The following DYNC2H1 variants were observed in gnomAD, a reference collection of about 807,000 sequenced individuals.
DYNC2H1 encodes the protein cytoplasmic dynein 2 heavy chain 1.
Under a neutral mutation model 570.0 loss-of-function variants are expected in DYNC2H1, and 410 were observed. The ratio of observed to expected loss-of-function variants is 0.72; its 90% CI spans 0.66 to 0.78. The LOEUF is 0.78. Ranked by LOEUF, DYNC2H1 falls within the 30% of genes least tolerant of loss-of-function variation. The pLI, the probability that DYNC2H1 is intolerant of heterozygous loss-of-function variation, is 0.00. For missense variants in DYNC2H1, 4,865 were observed against 5,046.4 expected (o/e 0.96, Z 1.09); for synonymous variants, 1,688 against 1,677.6 (o/e 1.01, Z -0.15).
rs768259332 is a variant in DYNC2H1 at position 103,222,985 on chromosome 11, T to A, written c.9252T>A (p.Thr3084=). Residue 3084 remains threonine, a synonymous_variant, in exon 59 of 89, where the codon ACT becomes ACA. Transcript: ENST00000375735. ...FDPKNAKRAS[T]AAAPLAAWVK... ...TTCAGAATGCTAAGCGTGCCAGTAC[T>A]GCAGCTGCACCTTTGGCTGCCTGGG... 18 of 1,613,430 alleles carry A rather than the reference T, an allele frequency of 1.1e-5. No individual in the cohort carries two copies. Among genetic ancestry groups the A allele is most frequent in the Non-Finnish European group, 1.4e-5 (17 of 1,179,534 alleles).
intron 54 of DYNC2H1, among the ~76,000 whole-genome samples, chr11:103,214,446 C>CTTTTTT (rs200386358): frequency 1.3e-4 from 16 of 127,436 alleles, no homozygotes; most frequent in African/African-American, 1.7e-4. Flanking sequence ...ACTTCTTCTT[C>CTTTTTT]TTTTTTTTTT....
Position 103,227,594 on chromosome 11 carries a change from G to A in DYNC2H1, c.9354-3666G>A, listed in dbSNP as rs563990551. ...TTAAATGTACTGAGACTTGTTTTGT[G>A]GCCTGTCATATGGTCTATTTTGGAG... On this transcript the variant is annotated intron_variant, in intron 59 of 88. Coordinates refer to ENST00000375735, the MANE Select transcript of DYNC2H1 (RefSeq NM_001377.3). Among the ~76,000 whole-genome samples, 40 of 152,084 alleles carry A rather than the reference G, an allele frequency of 2.6e-4. 1 individual carries two copies. The highest frequency in any genetic ancestry group is 4.7e-4 in the Non-Finnish European group (32 of 67,998).
chr11:103,358,104 T>G (rs954980789), intron 82 of DYNC2H1, 139 bp from the exon 83 acceptor site: 4 of 517,872 alleles, frequency 7.7e-6, no homozygotes, highest in East Asian at 3.0e-5. Flanking sequence ...TGAAGAGAGA[T>G]AATAAGATTA....
intron 22 of DYNC2H1, among the ~76,000 whole-genome samples, chr11:103,153,928 A>G (rs1418303014): frequency 6.6e-6 from 1 of 151,970 alleles, no homozygotes; most frequent in Non-Finnish European, 1.5e-5. Flanking sequence ...ATAAAGTATT[A>G]AATTTGAGCA....
rs1002213720 is a variant in DYNC2H1, at chr11:103,209,027, A to G, written c.8455-849A>G. 9.2e-5 allele frequency among the ~76,000 whole-genome samples: 14 copies of G among 152,162 alleles called. No individual in the cohort carries two copies. The highest frequency in any genetic ancestry group is 1.9e-4 in the Non-Finnish European group (13 of 68,020). On this transcript the variant is annotated intron_variant, in intron 52 of 88. Transcript: ENST00000375735. The surrounding 1 kb of genome is among the most constrained non-coding windows in gnomAD (Gnocchi z 4.2). ...GTATAGGTTTAAGTGTTTTGTCAGA[A>G]ATCAGTGAAGGCATACTCTCTGTCA... is the stretch of plus-strand genomic sequence containing the variant.
chr11:103,181,817 A>G lies in DYNC2H1; in HGVS notation c.6408A>G (p.Glu2136=). The stretch of plus-strand genomic sequence containing the variant: ...CTTGGTTGAGGAATCAGCCTGCTGA[A>G]TATAGAAATAATCTTGAAAATTGGA... The part of the protein sequence containing the change: ...IKSWLRNQPA[E]YRNNLENWIG... Residue 2136 remains glutamate (E), a synonymous_variant, in exon 40 of 89, where the codon GAA becomes GAG. Transcript: ENST00000375735. This position sits in a 1 kb window ranked among gnomAD's most constrained non-coding sequence, Gnocchi z 5.0. The G allele has an allele frequency of 6.3e-7, 1 of 1,590,260 alleles. No homozygotes were observed. The highest frequency in any genetic ancestry group is 2.3e-5 in the East Asian group (1 of 44,078).
chr11:103,418,394 A>G (rs987942275), intron 84 of DYNC2H1, among the ~76,000 whole-genome samples: 1 of 152,244 alleles, frequency 6.6e-6, no homozygotes, highest in Non-Finnish European at 1.5e-5. Flanking sequence ...ATTATTGAAA[A>G]TTGAAATTTA....
chr11:103,161,047 A>G lies in DYNC2H1; in HGVS notation c.4491+3A>G, dbSNP rs1469912462. ...TTCCTCTATCAAATAATGTAGAGGT[A>G]AGCAATTCTTTTTCAAATATGAAAA... On this transcript the variant is annotated splice_donor_region_variant and intron_variant, in intron 29 of 88. Transcript: ENST00000375735. 1 of 1,383,346 alleles carries G rather than the reference A, an allele frequency of 7.2e-7. No homozygotes were observed. The highest frequency in any genetic ancestry group is 9.7e-7 in the Non-Finnish European group (1 of 1,031,536). The allele number at this position is 1,383,346 out of a possible 1,614,324, so 85.7% of individuals were successfully genotyped here.
chr11:103,149,769 CGT>C (rs368382492), intron 20 of DYNC2H1, among the ~76,000 whole-genome samples: 5 of 149,424 alleles, frequency 3.3e-5, no homozygotes, highest in East Asian at 3.9e-4. Context: ...CACGTGTGTG[CGT>C]GTGTGTGTGT....
At position 103,335,867 on chromosome 11, in the gene DYNC2H1, T is replaced by C. The variant is rs1257710716; in HGVS notation, c.12039+11877T>C. On this transcript the variant is annotated intron_variant, in intron 82 of 88. Transcript: ENST00000375735. ...ACTCTCAGAATAAGAGAGGTTACTG[T>C]CAAACTCATTCTATACGTGAGGATA... 2.0e-5 allele frequency among the ~76,000 whole-genome samples: 3 copies of C among 152,166 alleles called. 1 individual carries two copies. Among genetic ancestry groups the C allele is most frequent in the Non-Finnish European group, 4.4e-5 (3 of 68,006 alleles).
At chr11:103,379,891 A>T (rs1941566836) in intron 83 of DYNC2H1, among the ~76,000 whole-genome samples, 1 of 152,230 alleles carries the variant, frequency 6.6e-6, no homozygotes, top group South Asian at 2.1e-4. Flanking sequence ...CTTAAATAAT[A>T]ATTTCCATAA....
At chr11:103,206,142 A>C (rs1359857817) in intron 52 of DYNC2H1, among the ~76,000 whole-genome samples, 1 of 152,166 alleles carries the variant, frequency 6.6e-6, no homozygotes, top group Admixed American at 6.6e-5. Flanking sequence ...TGTATTCTGC[A>C]TACATTTTGC....
At position 103,163,397 on chromosome 11, in the gene DYNC2H1, G is replaced by C. The variant is rs571459731; in HGVS notation, c.4611+250G>C. ...GAATCAGGCATCTAATAGCTTCCTG[G>C]TTCCAGATGATTAGTTCATCATTGA... On this transcript the variant is annotated intron_variant, in intron 30 of 88. Coordinates refer to ENST00000375735, the MANE Select transcript of DYNC2H1 (RefSeq NM_001377.3). This position sits in a 1 kb window ranked among gnomAD's most constrained non-coding sequence, Gnocchi z 4.6. Among the ~76,000 whole-genome samples, 44 of 152,252 alleles carry C rather than the reference G, an allele frequency of 2.9e-4. 1 individual carries two copies. The highest frequency in any genetic ancestry group is 3.9e-4 in the Admixed American group (6 of 15,286).
chr11:103,295,923 C>G (rs1866804091), intron 75 of DYNC2H1, among the ~76,000 whole-genome samples: 1 of 152,148 alleles, frequency 6.6e-6, no homozygotes, highest in Admixed American at 6.5e-5. Context: ...ATAAAATCCT[C>G]CTGCTTTACT....
Position 103,199,117 on chromosome 11 carries a change from C to G in DYNC2H1, c.7840-111C>G. 2 of 728,478 alleles carry G rather than the reference C, an allele frequency of 2.7e-6. No individual in the cohort carries two copies. The highest frequency in any genetic ancestry group is 1.8e-5 in the African/African-American group (1 of 56,182). 45.1% of individuals were successfully genotyped at this position (728,478 alleles called of 1,614,324 possible). On this transcript the variant is annotated intron_variant, in intron 48 of 88. Transcript: ENST00000375735. This position sits in a 1 kb window ranked among gnomAD's most constrained non-coding sequence, Gnocchi z 4.6. The stretch of plus-strand genomic sequence containing the variant: ...TGTGAGATGATATGTAGTCACTTTA[C>G]TTTTTTTCTTGAATGTATCAAAAAT...
chr11:103,175,296 G>A (rs942188831), intron 36 of DYNC2H1, among the ~76,000 whole-genome samples: 7 of 152,090 alleles, frequency 4.6e-5, no homozygotes, highest in African/African-American at 1.7e-4. Context: ...CTTAAAAATG[G>A]CATCTACATT....
chr11:103,358,442 A>G (rs1940465458), intron 83 of DYNC2H1, 83 bp downstream of exon 83: 1 of 934,292 alleles, frequency 1.1e-6, no homozygotes, highest in Non-Finnish European at 1.7e-6. Context: ...CCTGAGTCAT[A>G]CAAGTAATCA....
intron 85 of DYNC2H1, among the ~76,000 whole-genome samples, chr11:103,438,385 C>T (rs936553435): frequency 3.3e-5 from 5 of 152,062 alleles, no homozygotes; most frequent in African/African-American, 1.2e-4. Context: ...AGCAATGTAA[C>T]TACCTATTTG....
chr11:103,451,715 T>C (rs1336029660), intron 85 of DYNC2H1, among the ~76,000 whole-genome samples: 1 of 152,174 alleles, frequency 6.6e-6, no homozygotes, highest in Non-Finnish European at 1.5e-5. Context: ...ACCAAAATTT[T>C]GTCCATGTTG....
Sources: gnomAD v4.1 joint callset for allele counts (sites outside exome capture counted in the v4.1 genomes callset) on GRCh38, gnomAD v4.1.1 for gene constraint, Gnocchi (gnomAD v3.1) non-coding constraint, MANE v1.5 for transcripts, NCBI Gene and HGNC (gene_info 2026-07-23, HGNC 2026-07-21) for gene names.